The following RIMBP2 variants were observed in gnomAD, a reference collection of about 807,000 sequenced individuals.
RIMBP2 encodes the protein RIMS binding protein 2.
RIMBP2 carries 48 observed loss-of-function variants against 118.6 expected under a neutral mutation model. That is an observed-to-expected ratio of 0.40 (90% CI 0.32 to 0.51). The LOEUF is 0.51. RIMBP2 is among the 20% of genes least tolerant of loss of function. RIMBP2 has a pLI of 0.41. For missense variants in RIMBP2, 1,551 were observed against 1,768.3 expected, an observed-to-expected ratio of 0.88 and a Z score of 2.20; for synonymous variants, 762 against 742.9, an observed-to-expected ratio of 1.03 and a Z score of -0.42.
chr12:130,451,863 C>G (rs1384943957), intron 7 of RIMBP2, among the ~76,000 whole-genome samples: 1 of 152,182 alleles, frequency 6.6e-6, no homozygotes, highest in Admixed American at 6.5e-5. Context: ...TTGCTCACAC[C>G]AGTTTAGGTT....
intron 11 of RIMBP2, 139 bp downstream of exon 11, chr12:130,441,709 G>C: frequency 1.3e-6 from 1 of 741,884 alleles, no homozygotes; most frequent in East Asian, 2.7e-5. Flanking sequence ...TGCTTCGCCG[G>C]TGACCTAAGG....
At chr12:130,514,626 T>A (rs1471012127) in intron 3 of RIMBP2, among the ~76,000 whole-genome samples, 1 of 152,074 alleles carries the variant, frequency 6.6e-6, no homozygotes, top group African/African-American at 2.4e-5. Context: ...GGATCCGACC[T>A]CCCTGTGCCC....
chr12:130,456,808 G>A (rs544122655), intron 6 of RIMBP2, 108 bp from the exon 7 acceptor site: 56 of 767,578 alleles, frequency 7.3e-5, no homozygotes, highest in Non-Finnish European at 1.0e-4. Flanking sequence ...CTGTGTGCAC[G>A]TGTGTACACA....
chr12:130,654,849 A>C (rs2063358618), intron 1 of RIMBP2, among the ~76,000 whole-genome samples: 1 of 152,204 alleles, frequency 6.6e-6, no homozygotes, highest in Non-Finnish European at 1.5e-5. Context: ...AGGAGCCAGC[A>C]TGTCACACAG....
chr12:130,624,682 G>GT (rs1228517150), intron 2 of RIMBP2, among the ~76,000 whole-genome samples: 1 of 152,168 alleles, frequency 6.6e-6, no homozygotes, highest in South Asian at 2.1e-4. Flanking sequence ...AAATAATTTT[G>GT]TTTTTTCTTT....
At chr12:130,695,424 C>T (rs1212344245) in intron 1 of RIMBP2, among the ~76,000 whole-genome samples, 1 of 152,190 alleles carries the variant, frequency 6.6e-6, no homozygotes, top group African/African-American at 2.4e-5. Flanking sequence ...TCCACACAAC[C>T]TTGTTAAACA....
In RIMBP2 at chr12:130,710,404, G is replaced by C. The variant is rs979518474; in HGVS notation, c.-352+5818C>G. On this transcript the variant is annotated intron_variant, in intron 1 of 22. Transcript: ENST00000690449. The surrounding 1 kb of genome is among the most constrained non-coding windows in gnomAD (Gnocchi z 4.3). Reference sequence around the variant, plus strand: ...TGGTGTAGTGATTATTCATTCACTTGCCCGTTGTCTTACACATGCACACAC... The same window carrying C: ...TGGTGTAGTGATTATTCATTCACTTCCCCGTTGTCTTACACATGCACACAC... Among the ~76,000 whole-genome samples, 1 of 151,914 alleles carries C rather than the reference G, an allele frequency of 6.6e-6. No homozygotes were observed. The highest frequency in any genetic ancestry group is 2.4e-5 in the African/African-American group (1 of 41,306).
At chr12:130,651,966 G>C (rs1234726693) in intron 1 of RIMBP2, among the ~76,000 whole-genome samples, 1 of 152,160 alleles carries the variant, frequency 6.6e-6, no homozygotes, top group Non-Finnish European at 1.5e-5. Context: ...TTGTTTGCTG[G>C]TTCTGCTGTT....
chr12:130,589,015 CTTCTGTCCTAAGCCCT>C (rs1256560849), intron 2 of RIMBP2, among the ~76,000 whole-genome samples: 1 of 152,238 alleles, frequency 6.6e-6, no homozygotes, highest in Non-Finnish European at 1.5e-5. Context: ...GGACGTCAGC[CTTCTGTCCTAAGCCCT>C]TTCTGTCCTA....
chr12:130,435,336 G>A (rs1052776518), intron 13 of RIMBP2, among the ~76,000 whole-genome samples: 6 of 152,256 alleles, frequency 3.9e-5, no homozygotes, highest in South Asian at 4.1e-4. Flanking sequence ...GAGCCACCGC[G>A]TCCAGCCTCT....
At chr12:130,501,558 C>T (rs1367436344) in intron 4 of RIMBP2, among the ~76,000 whole-genome samples, 1 of 152,212 alleles carries the variant, frequency 6.6e-6, no homozygotes, top group African/African-American at 2.4e-5. Context: ...CAGAAGTTAT[C>T]GCCCCTTTCC....
intron 10 of RIMBP2, among the ~76,000 whole-genome samples, chr12:130,443,407 C>T (rs1035026768): frequency 2.0e-5 from 3 of 152,198 alleles, no homozygotes; most frequent in African/African-American, 7.2e-5. Context: ...GTGTTCAGAG[C>T]TTCAAAGATG....
At chr12:130,506,034 G>A (rs1203991944) in intron 4 of RIMBP2, among the ~76,000 whole-genome samples, 1 of 130,634 alleles carries the variant, frequency 7.7e-6, no homozygotes, top group Non-Finnish European at 1.7e-5. Flanking sequence ...AACTGGAGAT[G>A]ATTATTTTTT....
At chr12:130,618,904 G>C (rs750977428) in intron 2 of RIMBP2, among the ~76,000 whole-genome samples, 4 of 152,090 alleles carry the variant, frequency 2.6e-5, no homozygotes, top group Non-Finnish European at 4.4e-5. Flanking sequence ...AAGGGATGGA[G>C]GGAGGAAGAG....
chr12:130,402,636 A>G (rs1270241098), intron 21 of RIMBP2, among the ~76,000 whole-genome samples: 1 of 151,916 alleles, frequency 6.6e-6, no homozygotes, highest in Non-Finnish European at 1.5e-5. Context: ...CTCATTTCCC[A>G]CCATTTCTCT....
At position 130,621,643 on chromosome 12, in the gene RIMBP2, A is replaced by G. The variant is rs2061319553; in HGVS notation, c.-217+6679T>C. ...CACGGCTATATCAGCAGCCTCATTT[A>G]TGTGTCCTGCAGAACAAAAGGAGCA... On this transcript the variant is annotated intron_variant, in intron 2 of 22. Transcript: ENST00000690449. This position sits in a 1 kb window ranked among gnomAD's most constrained non-coding sequence, Gnocchi z 6.6. Among the ~76,000 whole-genome samples, 1 of 152,216 alleles carries G rather than the reference A, an allele frequency of 6.6e-6. No homozygotes were observed. The highest frequency in any genetic ancestry group is 2.4e-5 in the African/African-American group (1 of 41,452).
rs998699135 is a variant in RIMBP2 at position 130,511,048 on chromosome 12, G to A, written c.-126-4278C>T. ...AATATATCACTTTTTGTGGCAGAACGGACCCTGAAGATGGGATTGCATGGA... is the reference window on the plus strand; with the variant it reads ...AATATATCACTTTTTGTGGCAGAACAGACCCTGAAGATGGGATTGCATGGA... On this transcript the variant is annotated intron_variant, in intron 3 of 22. Coordinates refer to ENST00000690449, the MANE Select transcript of RIMBP2 (RefSeq NM_001393629.1). The surrounding 1 kb of genome is among the most constrained non-coding windows in gnomAD (Gnocchi z 4.3). Among the ~76,000 whole-genome samples the A allele has an allele frequency of 3.3e-5, 5 of 152,140 alleles. No individual in the cohort carries two copies. Among genetic ancestry groups the A allele is most frequent in the African/African-American group, 4.8e-5 (2 of 41,418 alleles).
intron 1 of RIMBP2, among the ~76,000 whole-genome samples, chr12:130,642,023 T>C (rs1030964442): frequency 1.3e-5 from 2 of 152,006 alleles, no homozygotes; most frequent in African/African-American, 2.4e-5. Context: ...GGTCACACAG[T>C]TTGTAAATAG....
At chr12:130,585,469 G>T (rs1005575745) in intron 2 of RIMBP2, among the ~76,000 whole-genome samples, 2 of 152,092 alleles carry the variant, frequency 1.3e-5, no homozygotes, top group African/African-American at 4.8e-5. Flanking sequence ...TTTTAGGGCA[G>T]GTTGTGGTCA....
Sources: allele counts gnomAD v4.1 joint callset (sites outside exome capture counted in the v4.1 genomes callset), GRCh38; gene constraint gnomAD v4.1.1; non-coding constraint Gnocchi (gnomAD v3.1); transcripts MANE v1.5; gene names NCBI Gene and HGNC (gene_info 2026-07-23, HGNC 2026-07-21).